Variants in PRKAR2B observed in about 807,000 individuals in gnomAD.
The protein encoded by PRKAR2B is cAMP-dependent protein kinase type II-beta regulatory subunit.
Under a neutral mutation model 49.9 loss-of-function variants are expected in PRKAR2B, and 14 were observed. The observed-to-expected ratio is 0.28, with a 90% confidence interval of 0.19 to 0.44. The LOEUF (loss-of-function observed/expected upper bound fraction) is 0.44, where lower values mean the gene tolerates loss of function less well. Among genes scored for constraint, PRKAR2B ranks in the 20% least tolerant of loss-of-function variants. The probability of loss-of-function intolerance (pLI) is 1.00; values close to 1 mark genes in which losing one functional copy is unlikely to be tolerated. For synonymous variants in PRKAR2B, 196 were observed against 197.7 expected (o/e 0.99, Z 0.07); for missense variants, 393 against 537.9 (o/e 0.73, Z 2.67).
chr7:107,143,454 C>T (rs1455456238), intron 5 of PRKAR2B, among the ~76,000 whole-genome samples: 2 of 152,194 alleles, frequency 1.3e-5, no homozygotes, highest in Non-Finnish European at 2.9e-5. Context: ...AGACTGCAAG[C>T]CTGCCATTGT....
intron 2 of PRKAR2B, 67 bp downstream of exon 2, chr7:107,070,383 A>G (rs937479213): frequency 7.4e-7 from 1 of 1,359,082 alleles, no homozygotes; most frequent in Non-Finnish European, 1.0e-6. Context: ...AATATTGGAC[A>G]AGAAGGTACA....
At chr7:107,061,739 A>G (rs1445687360) in intron 1 of PRKAR2B, among the ~76,000 whole-genome samples, 1 of 152,164 alleles carries the variant, frequency 6.6e-6, no homozygotes, top group African/African-American at 2.4e-5. Flanking sequence ...CCCTGTCTCC[A>G]CTAAAAATAC....
chr7:107,115,100 GA>G (rs1257591736), intron 2 of PRKAR2B, among the ~76,000 whole-genome samples: 2 of 151,800 alleles, frequency 1.3e-5, no homozygotes, highest in African/African-American at 2.4e-5. Flanking sequence ...ACATGTCTGG[GA>G]TGGTTTAGAA....
At chr7:107,084,156 C>G (rs1357049136) in intron 2 of PRKAR2B, among the ~76,000 whole-genome samples, 1 of 152,120 alleles carries the variant, frequency 6.6e-6, no homozygotes, top group Non-Finnish European at 1.5e-5. Flanking sequence ...ATTTGTAGTA[C>G]CAGCATTGTT....
chr7:107,139,047 TC>T (rs1315051015), intron 4 of PRKAR2B, among the ~76,000 whole-genome samples: 7 of 152,186 alleles, frequency 4.6e-5, no homozygotes, highest in Non-Finnish European at 1.0e-4. Flanking sequence ...CCCATTTTTC[TC>T]TGATTTGCTC....
chr7:107,124,616 C>T lies in PRKAR2B; in HGVS notation c.396+2612C>T, dbSNP rs936120409. The stretch of plus-strand genomic sequence containing the variant: ...TGTATTTTTAGTAGAGATGGGGTTT[C>T]GCCCTGTTGGCCAGGCTGGTCTTGA... On this transcript the variant is annotated intron_variant, in intron 3 of 10. Coordinates refer to ENST00000265717, the MANE Select transcript of PRKAR2B (RefSeq NM_002736.3). 2.4e-4 allele frequency among the ~76,000 whole-genome samples: 36 copies of T among 152,268 alleles called. 1 individual carries two copies. Among genetic ancestry groups the T allele is most frequent in the African/African-American group, 7.7e-4 (32 of 41,558 alleles).
At chr7:107,046,765 A>C (rs908754921) in intron 1 of PRKAR2B, among the ~76,000 whole-genome samples, 1 of 152,206 alleles carries the variant, frequency 6.6e-6, no homozygotes, top group African/African-American at 2.4e-5. Flanking sequence ...CACACACACA[A>C]AGGGGAAAAA....
intron 1 of PRKAR2B, among the ~76,000 whole-genome samples, chr7:107,051,866 T>C (rs1793811815): frequency 6.6e-6 from 1 of 152,220 alleles, no homozygotes; most frequent in South Asian, 2.1e-4. Flanking sequence ...ATATACTGTA[T>C]ACAGTTATTC....
At chr7:107,117,005 T>A (rs1275371379) in intron 2 of PRKAR2B, among the ~76,000 whole-genome samples, 1 of 151,152 alleles carries the variant, frequency 6.6e-6, no homozygotes, top group Non-Finnish European at 1.5e-5. Context: ...CTTTTACCAG[T>A]GTTTCTCAAT....
intron 4 of PRKAR2B, among the ~76,000 whole-genome samples, chr7:107,135,800 T>C (rs1795691324): frequency 6.6e-6 from 1 of 152,136 alleles, no homozygotes; most frequent in South Asian, 2.1e-4. Context: ...TTTTCCCAAG[T>C]TGATCTGTAG....
chr7:107,123,527 C>T (rs778418221), intron 3 of PRKAR2B, among the ~76,000 whole-genome samples: 2 of 152,182 alleles, frequency 1.3e-5, no homozygotes, highest in African/African-American at 2.4e-5. Flanking sequence ...GGAGCCAGCC[C>T]GCCTCTGGTG....
intron 1 of PRKAR2B, among the ~76,000 whole-genome samples, chr7:107,052,102 A>G (rs528492787): frequency 6.4e-4 from 97 of 152,324 alleles, no homozygotes; most frequent in African/African-American, 2.1e-3. Flanking sequence ...TCATTATTAT[A>G]GAAAACTAAT....
intron 2 of PRKAR2B, among the ~76,000 whole-genome samples, chr7:107,100,772 A>T (rs1794944644): frequency 6.7e-6 from 1 of 149,196 alleles, no homozygotes; most frequent in Non-Finnish European, 1.5e-5. Flanking sequence ...TCTTGAGCCC[A>T]CCTAATGAGT....
intron 2 of PRKAR2B, among the ~76,000 whole-genome samples, chr7:107,091,026 C>G (rs1794724418): frequency 6.6e-6 from 1 of 152,184 alleles, no homozygotes; most frequent in African/African-American, 2.4e-5. Context: ...ATCTTATGAA[C>G]TGTTTTTTGA....
At chr7:107,113,069 G>A (rs1027806279) in intron 2 of PRKAR2B, among the ~76,000 whole-genome samples, 1 of 152,080 alleles carries the variant, frequency 6.6e-6, no homozygotes, top group African/African-American at 2.4e-5. Context: ...AATAAATTGG[G>A]AAGGATTCCG....
chr7:107,080,185 G>T (rs959445477), intron 2 of PRKAR2B, among the ~76,000 whole-genome samples: 4 of 152,130 alleles, frequency 2.6e-5, no homozygotes, highest in South Asian at 2.1e-4. Flanking sequence ...GGTTTCAGTG[G>T]GAGCACCATG....
chr7:107,144,053 C>CTTATTTATTTAT (rs60565381), intron 5 of PRKAR2B, among the ~76,000 whole-genome samples: 70 of 143,514 alleles, frequency 4.9e-4, no homozygotes, highest in African/African-American at 7.6e-4. Context: ...CAATTCTTTT[C>CTTATTTATTTAT]TTATTTATTT....
intron 1 of PRKAR2B, chr7:107,067,206 C>G (rs1794168250): frequency 6.6e-6 from 1 of 152,184 alleles, no homozygotes; most frequent in African/African-American, 2.4e-5. Flanking sequence ...TCCAGCAAGG[C>G]CTCCACCCTG....
chr7:107,104,245 G>C (rs1795030815), intron 2 of PRKAR2B, among the ~76,000 whole-genome samples: 1 of 152,128 alleles, frequency 6.6e-6, no homozygotes, highest in Admixed American at 6.5e-5. Context: ...GTGTTGTCCA[G>C]GCTGGCCTCG....
Sources: gnomAD v4.1 joint callset for allele counts (sites outside exome capture counted in the v4.1 genomes callset) on GRCh38, gnomAD v4.1.1 for gene constraint, MANE v1.5 for transcripts, NCBI Gene and HGNC (gene_info 2026-07-23, HGNC 2026-07-21) for gene names.